Variants in VGLL4 observed in about 807,000 individuals in gnomAD.
VGLL4 encodes transcription cofactor vestigial-like protein 4.
VGLL4 carries 7 observed loss-of-function variants against 21.0 expected under a neutral mutation model. That is an observed-to-expected ratio of 0.33 (90% CI 0.19 to 0.63). The LOEUF (loss-of-function observed/expected upper bound fraction) is 0.63. Ranked by LOEUF, VGLL4 falls within the 20% of genes least tolerant of loss-of-function variation. The probability of loss-of-function intolerance (pLI) is 0.78; values close to 1 mark genes in which losing one functional copy is unlikely to be tolerated. For synonymous variants in VGLL4, 222 were observed against 173.2 expected (o/e 1.28, Z -2.21); for missense variants, 394 against 425.7 (o/e 0.93, Z 0.66).
intron 2 of VGLL4, among the ~76,000 whole-genome samples, chr3:11,693,938 T>C (rs2076568475): frequency 6.6e-6 from 1 of 152,212 alleles, no homozygotes; most frequent in Admixed American, 6.5e-5. Context: ...TCCCGTCCTC[T>C]GGGCAGACAG....
chr3:11,653,172 G>A lies in VGLL4; in HGVS notation c.64+49799C>T, dbSNP rs921929749. 4.6e-5 allele frequency among the ~76,000 whole-genome samples: 7 copies of A among 152,198 alleles called. No homozygotes were observed. Among genetic ancestry groups the A allele is most frequent in the African/African-American group, 1.4e-4 (6 of 41,444 alleles). On this transcript the variant is annotated intron_variant, in intron 2 of 5. Coordinates refer to the VGLL4 transcript ENST00000273038. The surrounding 1 kb of genome is among the most constrained non-coding windows in gnomAD (Gnocchi z 4.2). Reference sequence around the variant, plus strand: ...TGCACAGTGCTTCATTCATTATGCAGCACGCTAAGCACCTCCACAGTCATC... The same window carrying A: ...TGCACAGTGCTTCATTCATTATGCAACACGCTAAGCACCTCCACAGTCATC...
At chr3:11,564,455 C>T (rs962534550) in intron 3 of VGLL4, among the ~76,000 whole-genome samples, 1 of 152,014 alleles carries the variant, frequency 6.6e-6, no homozygotes. Context: ...TCAGGCCTGC[C>T]ACAGAAGACT....
At position 11,556,645 on chromosome 3, in the gene VGLL4, T is replaced by C. The variant is rs771853057; in HGVS notation, c.*1911A>G. 2.6e-5 allele frequency: 4 copies of C among 152,260 alleles called. No individual in the cohort carries two copies. Among genetic ancestry groups the C allele is most frequent in the Admixed American group, 2.6e-4 (4 of 15,234 alleles). 9.4% of individuals were successfully genotyped at this position (152,260 alleles called of 1,614,324 possible). ...TTTTCCGAACAACAAAAAAAATGAATGATTACAATAGGAAAGGGAAAAATT... is the reference window on the plus strand; with the variant it reads ...TTTTCCGAACAACAAAAAAAATGAACGATTACAATAGGAAAGGGAAAAATT... On this transcript the variant is annotated 3_prime_UTR_variant, in exon 5 of 5. Transcript: ENST00000430365.
chr3:11,582,325 GC>G lies in VGLL4; in HGVS notation c.273-17307del, dbSNP rs2074249951. ...TGCCAAAGAGCATGAAGACAGCCCA[GC>G]GTCCTCCCACAAGAAAGCCTTGGGC... On this transcript the variant is annotated intron_variant, in intron 2 of 4. Transcript: ENST00000430365. The G allele has an allele frequency of 1.9e-6, 3 of 1,596,086 alleles. No homozygotes were observed. The East Asian group carries it at 6.8e-5, about 36-fold the overall frequency.
chr3:11,646,958 A>G (rs2075803001), upstream of VGLL4, among the ~76,000 whole-genome samples: 1 of 152,238 alleles, frequency 6.6e-6, no homozygotes, highest in African/African-American at 2.4e-5. Context: ...AATTCGATAG[A>G]CTAATTTTAT....
At chr3:11,615,938 T>A (rs17034822) in intron 1 of VGLL4, among the ~76,000 whole-genome samples, 12,862 of 152,240 alleles carry the variant, frequency 0.084, 971 homozygotes, top group African/African-American at 0.19. Context: ...ATTAGGCCAA[T>A]CTGCATCCTT....
Position 11,631,511 on chromosome 3 carries a change from A to G in VGLL4, c.82+11926T>C, listed in dbSNP as rs182576825. ...CCATCAACTAACAACAAATCAGCTT[A>G]AACAGCTGTCTGCCTTAAGGATCTA... On this transcript the variant is annotated intron_variant, in intron 1 of 4. Transcript: ENST00000430365. Among the ~76,000 whole-genome samples the G allele has an allele frequency of 2.0e-4, 30 of 152,326 alleles. No homozygotes were observed. The East Asian group carries it at 5.4e-3, about 27-fold the overall frequency.
intron 2 of VGLL4, among the ~76,000 whole-genome samples, chr3:11,586,860 G>C (rs564582390): frequency 6.6e-6 from 1 of 152,272 alleles, no homozygotes; most frequent in South Asian, 2.1e-4. Context: ...AGAGAGGCCT[G>C]ACATGCATGA....
At chr3:11,705,108 G>A (rs996413525) in intron 1 of VGLL4, among the ~76,000 whole-genome samples, 1 of 152,212 alleles carries the variant, frequency 6.6e-6, no homozygotes, top group African/African-American at 2.4e-5. Context: ...GGGCTTCGAT[G>A]GGACCGCGGC....
At chr3:11,630,088 C>G (rs1294706786) in intron 1 of VGLL4, among the ~76,000 whole-genome samples, 3 of 152,164 alleles carry the variant, frequency 2.0e-5, no homozygotes, top group Non-Finnish European at 4.4e-5. Context: ...AAAACAACCC[C>G]TCCCCTGACA....
chr3:11,611,693 G>C (rs2075066531), intron 1 of VGLL4: 1 of 152,268 alleles, frequency 6.6e-6, no homozygotes, highest in Non-Finnish European at 1.5e-5. Flanking sequence ...AGAACCACCT[G>C]AGCACAGGAG....
At chr3:11,561,511 G>A (rs1191564229) in intron 3 of VGLL4, among the ~76,000 whole-genome samples, 3 of 152,190 alleles carry the variant, frequency 2.0e-5, no homozygotes, top group African/African-American at 7.2e-5. Flanking sequence ...GGTGGCCCGT[G>A]AGCCCTCGTG....
intron 2 of VGLL4, among the ~76,000 whole-genome samples, chr3:11,585,453 G>C (rs1575417404): frequency 6.6e-6 from 1 of 151,358 alleles, no homozygotes; most frequent in East Asian, 1.9e-4. Flanking sequence ...AAAAGAGAGA[G>C]AGAGAGGGAG....
chr3:11,698,880 C>G lies in VGLL4; in HGVS notation c.64+4091G>C, dbSNP rs2076641389. Among the ~76,000 whole-genome samples the G allele has an allele frequency of 1.3e-5, 2 of 152,130 alleles. 1 individual carries two copies. The highest frequency in any genetic ancestry group is 1.3e-4 in the Admixed American group (2 of 15,266). On this transcript the variant is annotated intron_variant, in intron 2 of 5. Transcript: ENST00000273038. ...GACTCAAGTCATAATAGGTACTGTT[C>G]CCTTCAAAATGCTGAAACAATAACA...
rs552805914 is a variant in VGLL4 at position 11,679,597 on chromosome 3, T to C, written c.64+23374A>G. ...ACTCGGGAGGCTGAGGCAGGAGAAC[T>C]GCTTGAACCTGGGAGGCGGAGCTTG... is the stretch of plus-strand genomic sequence containing the variant. On this transcript the variant is annotated intron_variant, in intron 2 of 5. Coordinates refer to the VGLL4 transcript ENST00000273038. Among the ~76,000 whole-genome samples the C allele has an allele frequency of 1.8e-4, 28 of 152,118 alleles. No homozygotes were observed. In the South Asian group the frequency reaches 5.6e-3, roughly 30 times the overall value.
intron 1 of VGLL4, among the ~76,000 whole-genome samples, chr3:11,707,540 T>C (rs11128569): frequency 0.3 from 45,082 of 149,842 alleles, 8,265 homozygotes; most frequent in Non-Finnish European, 0.42. Flanking sequence ...AAGATAACAG[T>C]TATTAAAAAA....
chr3:11,637,907 A>C (rs2075618168), intron 1 of VGLL4, among the ~76,000 whole-genome samples: 1 of 152,240 alleles, frequency 6.6e-6, no homozygotes, highest in Non-Finnish European at 1.5e-5. Flanking sequence ...GCAAGTCTTA[A>C]AAAACAGTTG....
chr3:11,667,915 G>A (rs1489093869), intron 2 of VGLL4, among the ~76,000 whole-genome samples: 2 of 138,254 alleles, frequency 1.4e-5, no homozygotes, highest in African/African-American at 2.8e-5. Flanking sequence ...GTGAAGTGGC[G>A]TGATCTCAGC....
At position 11,557,763 on chromosome 3, in the gene VGLL4, G is replaced by A. The variant is rs1362058281; in HGVS notation, c.*793C>T. The stretch of plus-strand genomic sequence containing the variant: ...ACATGCATCACGTTTAAAGCACTAT[G>A]GAATCCTCCAACCTCAGCTCTAGTC... On this transcript the variant is annotated 3_prime_UTR_variant, in exon 5 of 5. Transcript: ENST00000430365. 2 of 152,594 alleles carry A rather than the reference G, an allele frequency of 1.3e-5. No homozygotes were observed. The highest frequency in any genetic ancestry group is 2.9e-5 in the Non-Finnish European group (2 of 68,034). 9.5% of individuals were successfully genotyped at this position (152,594 alleles called of 1,614,324 possible).
Sources: gnomAD v4.1 joint callset for allele counts (sites outside exome capture counted in the v4.1 genomes callset) on GRCh38, gnomAD v4.1.1 for gene constraint, Gnocchi (gnomAD v3.1) non-coding constraint, MANE v1.5 for transcripts, NCBI Gene and HGNC (gene_info 2026-07-23, HGNC 2026-07-21) for gene names.